ERGIC1: variants seen among roughly 807,000 people sequenced by gnomAD.
The protein encoded by ERGIC1 is endoplasmic reticulum-golgi intermediate compartment 1, also known as endoplasmic reticulum-Golgi intermediate compartment protein 1.
In ERGIC1, 19 loss-of-function variants were observed where a neutral mutation model predicts 38.3. The ratio of observed to expected loss-of-function variants is 0.50; its 90% CI spans 0.35 to 0.73. ERGIC1 has a LOEUF of 0.73. ERGIC1 is among the 30% of genes least tolerant of loss of function. ERGIC1 has a pLI of 0.01. For missense variants in ERGIC1, 294 were observed against 389.2 expected, an observed-to-expected ratio of 0.76 and a Z score of 2.06; for synonymous variants, 124 against 157.6, an observed-to-expected ratio of 0.79 and a Z score of 1.60.
Position 172,846,810 on chromosome 5 carries a change from C to T in ERGIC1, c.20+12377C>T, listed in dbSNP as rs779509935. Among the ~76,000 whole-genome samples, 2 of 152,082 alleles carry T rather than the reference C, an allele frequency of 1.3e-5. No individual in the cohort carries two copies. The highest frequency in any genetic ancestry group is 4.8e-5 in the African/African-American group (2 of 41,414). On this transcript the variant is annotated intron_variant, in intron 1 of 9. Coordinates refer to ENST00000393784, the MANE Select transcript of ERGIC1 (RefSeq NM_001031711.3). This position sits in a 1 kb window ranked among gnomAD's most constrained non-coding sequence, Gnocchi z 4.0. ...GATTCAGGATGTGACTCTTGACTGC[C>T]GTGAGGACTAAATAAGTTTGCCTCT...
At chr5:172,902,048 C>T (rs1174137211) in intron 3 of ERGIC1, among the ~76,000 whole-genome samples, 1 of 152,198 alleles carries the variant, frequency 6.6e-6, no homozygotes, top group Admixed American at 6.5e-5. Context: ...TGGAGTCAAA[C>T]ACGGGTCTGT....
At chr5:172,892,368 T>G (rs73325168) in intron 2 of ERGIC1, among the ~76,000 whole-genome samples, 3,202 of 152,314 alleles carry the variant, frequency 0.021, 108 homozygotes, top group African/African-American at 0.073. Flanking sequence ...ACACACCATT[T>G]CATTACTTTG....
At chr5:172,943,005 C>T (rs970293811) in intron 9 of ERGIC1, among the ~76,000 whole-genome samples, 1 of 152,124 alleles carries the variant, frequency 6.6e-6, no homozygotes, top group Non-Finnish European at 1.5e-5. Flanking sequence ...GGTGGGCTAA[C>T]AGAAAAAGCA....
At chr5:172,836,770 T>C (rs1761046679) in intron 1 of ERGIC1, among the ~76,000 whole-genome samples, 1 of 151,454 alleles carries the variant, frequency 6.6e-6, no homozygotes, top group African/African-American at 2.4e-5. Context: ...GTCCCAGGAG[T>C]GGGGGTGTGC....
rs375811276 is a variant in ERGIC1, at chr5:172,896,952, C to T, written c.83-50C>T. 4.5e-5 allele frequency: 70 copies of T among 1,568,508 alleles called. 1 individual carries two copies. The South Asian group carries it at 5.7e-4, about 13-fold the overall frequency. ...TCTTCCCTCTAGGCTGGTCTCCCTT[C>T]GTCAGTGCCCACCACCCTTAACAGT... On this transcript the variant is annotated intron_variant, in intron 2 of 9. Coordinates refer to ENST00000393784, the MANE Select transcript of ERGIC1 (RefSeq NM_001031711.3).
intron 3 of ERGIC1, among the ~76,000 whole-genome samples, chr5:172,899,645 C>G (rs893188286): frequency 6.6e-6 from 1 of 151,978 alleles, no homozygotes; most frequent in South Asian, 2.1e-4. Flanking sequence ...ATGATGAGCT[C>G]GTGGAGCCCA....
chr5:172,894,815 G>A (rs1417118396), intron 2 of ERGIC1, among the ~76,000 whole-genome samples: 21 of 152,156 alleles, frequency 1.4e-4, no homozygotes, highest in Admixed American at 1.3e-3. Context: ...GTCACAACAG[G>A]GCACATAGTA....
intron 2 of ERGIC1, among the ~76,000 whole-genome samples, chr5:172,894,114 CTT>C (rs1302409614): frequency 5.9e-5 from 2 of 33,746 alleles, no homozygotes; most frequent in African/African-American, 2.5e-4. Context: ...TTCTCACTGT[CTT>C]ATGGTGCTGA....
At chr5:172,884,698 A>G (rs745875978) in intron 1 of ERGIC1, among the ~76,000 whole-genome samples, 3 of 152,216 alleles carry the variant, frequency 2.0e-5, no homozygotes, top group Non-Finnish European at 2.9e-5. Context: ...GACTGCTTTA[A>G]GTAGAGAATA....
chr5:172,838,485 G>C (rs1761085237), intron 1 of ERGIC1, among the ~76,000 whole-genome samples: 1 of 152,032 alleles, frequency 6.6e-6, no homozygotes, highest in African/African-American at 2.4e-5. Flanking sequence ...GGATACCCCA[G>C]ACCTCCTCAG....
intron 1 of ERGIC1, among the ~76,000 whole-genome samples, chr5:172,836,495 C>T (rs946391039): frequency 2.0e-5 from 3 of 152,184 alleles, no homozygotes; most frequent in Non-Finnish European, 4.4e-5. Context: ...CAGTGCTTCA[C>T]GTTTGCACCT....
chr5:172,844,687 C>G (rs1761241735), intron 1 of ERGIC1, among the ~76,000 whole-genome samples: 1 of 152,216 alleles, frequency 6.6e-6, no homozygotes, highest in Admixed American at 6.5e-5. Flanking sequence ...GGGGCCTGGC[C>G]TGGCCCTAGG....
chr5:172,853,963 A>G (rs1761474880), intron 1 of ERGIC1, among the ~76,000 whole-genome samples: 2 of 152,218 alleles, frequency 1.3e-5, no homozygotes, highest in Non-Finnish European at 2.9e-5. Context: ...TACAAAAGCA[A>G]TTTCAGAAAC....
At chr5:172,873,290 C>A (rs1200797297) in intron 1 of ERGIC1, among the ~76,000 whole-genome samples, 3 of 152,226 alleles carry the variant, frequency 2.0e-5, no homozygotes, top group Admixed American at 6.5e-5. Flanking sequence ...GGCCCTTGCT[C>A]CCCCCAGCCC....
chr5:172,911,360 T>C (rs1763204506), intron 4 of ERGIC1, among the ~76,000 whole-genome samples: 1 of 152,158 alleles, frequency 6.6e-6, no homozygotes, highest in Non-Finnish European at 1.5e-5. Context: ...TGACTGTATC[T>C]CTGGAACAAG....
Position 172,935,992 on chromosome 5 carries a change from G to A in ERGIC1, c.765+682G>A, listed in dbSNP as rs578093659. On this transcript the variant is annotated intron_variant, in intron 9 of 9. Transcript: ENST00000393784. ...TTAGCTGAGGTGGAAGAGACAGGGT[G>A]GCTATCCCTACTTCACAGATTTGGA... 4 of 152,354 alleles carry A rather than the reference G, an allele frequency of 2.6e-5. No homozygotes were observed. The South Asian group carries it at 8.3e-4, about 32-fold the overall frequency. The allele number at this position is 152,354 out of a possible 1,614,324, so 9.4% of individuals were successfully genotyped here. A position where few individuals can be genotyped will look rare whatever the true frequency, so the allele number is the denominator to read the frequency against.
rs1259981681 is a variant in ERGIC1, at chr5:172,944,860, C to G, written c.766-5849C>G. Among the ~76,000 whole-genome samples, 7 of 152,302 alleles carry G rather than the reference C, an allele frequency of 4.6e-5. No individual in the cohort carries two copies. In the South Asian group the frequency reaches 1.4e-3, roughly 32 times the overall value. ...CTGCTGCCTGCCCCATCCAGGGTCT[C>G]CCCCTCCAGGCCCACCTTTTCATCA... On this transcript the variant is annotated intron_variant, in intron 9 of 9. Coordinates refer to ENST00000393784, the MANE Select transcript of ERGIC1 (RefSeq NM_001031711.3).
At chr5:172,946,877 A>AT (rs10555416) in intron 9 of ERGIC1, among the ~76,000 whole-genome samples, 6 of 148,734 alleles carry the variant, frequency 4.0e-5, no homozygotes, top group Non-Finnish European at 7.4e-5. Flanking sequence ...TTCTCTCAGC[A>AT]TTTTTTTTTT....
chr5:172,835,094 T>C (rs2113495064), intron 1 of ERGIC1, among the ~76,000 whole-genome samples: 1 of 152,196 alleles, frequency 6.6e-6, no homozygotes, highest in Non-Finnish European at 1.5e-5. Flanking sequence ...AATGGGTCCT[T>C]TGTGGGGTCC....
Sources: allele counts gnomAD v4.1 joint callset (sites outside exome capture counted in the v4.1 genomes callset), GRCh38; gene constraint gnomAD v4.1.1; non-coding constraint Gnocchi (gnomAD v3.1); transcripts MANE v1.5; gene names NCBI Gene and HGNC (gene_info 2026-07-23, HGNC 2026-07-21).